Variants in EXPH5 observed in about 807,000 individuals in gnomAD.
The protein encoded by EXPH5 is exophilin-5.
A neutral mutation model predicts 41.1 loss-of-function variants in EXPH5; 42 were observed. The observed-to-expected ratio is 1.02, with a 90% confidence interval of 0.80 to 1.32. The LOEUF (loss-of-function observed/expected upper bound fraction) is 1.32. Ranked by LOEUF, EXPH5 falls within the 40% of genes most tolerant of loss-of-function variation. The pLI is 0.00. For missense variants in EXPH5, 2,298 were observed against 2,314.5 expected (o/e 0.99, Z 0.15); for synonymous variants, 798 against 833.5 (o/e 0.96, Z 0.73).
chr11:108,547,825 C>G (rs1392474393), intron 1 of EXPH5, among the ~76,000 whole-genome samples: 1 of 152,054 alleles, frequency 6.6e-6, no homozygotes, highest in Non-Finnish European at 1.5e-5. Context: ...AAATCAGTGT[C>G]TTGGCTGGGC....
At chr11:108,584,776 G>A (rs2094108677) in intron 1 of EXPH5, among the ~76,000 whole-genome samples, 1 of 152,166 alleles carries the variant, frequency 6.6e-6, no homozygotes, top group African/African-American at 2.4e-5. Flanking sequence ...ATGCATCAGT[G>A]TAAGACATAA....
chr11:108,606,691 C>A, the EXPH5 span, among the ~76,000 whole-genome samples: 1 of 152,238 alleles, frequency 6.6e-6, no homozygotes, highest in Middle Eastern at 3.4e-3. Context: ...TGATTCACCC[C>A]TGCCTGATGA....
At chr11:108,551,353 T>C (rs530896089) in intron 1 of EXPH5, among the ~76,000 whole-genome samples, 11 of 152,368 alleles carry the variant, frequency 7.2e-5, no homozygotes, top group African/African-American at 2.2e-4. Context: ...AGAGCAGTTA[T>C]GCAAGTTTGA....
At position 108,513,689 on chromosome 11, in the gene EXPH5, T is replaced by C; in HGVS notation, c.1818A>G (p.Val606=). The C allele has an allele frequency of 1.2e-6, 2 of 1,612,786 alleles. No individual in the cohort carries two copies. The highest frequency in any genetic ancestry group is 1.7e-6 in the Non-Finnish European group (2 of 1,179,372). Residue 606 remains valine (V), a synonymous_variant, in exon 6 of 6, where the codon GTA becomes GTG. Coordinates refer to ENST00000265843, the MANE Select transcript of EXPH5 (RefSeq NM_015065.3). The part of the protein sequence containing the change: ...ELVSQQDSSP[V]EVHINKEASS... ...AAGCTTCTTTGTTTATATGTACTTC[T>C]ACAGGAGAACTGTCCTGTTGACTTA...
chr11:108,545,685 T>C (rs1266494711), intron 1 of EXPH5, among the ~76,000 whole-genome samples: 1 of 152,032 alleles, frequency 6.6e-6, no homozygotes, highest in African/African-American at 2.4e-5. Flanking sequence ...GGAGGATCAA[T>C]TGAGGCCAGG....
intron 4 of EXPH5, among the ~76,000 whole-genome samples, chr11:108,527,375 G>A (rs375793640): frequency 6.6e-6 from 1 of 151,990 alleles, no homozygotes; most frequent in Non-Finnish European, 1.5e-5. Context: ...TTTACCTCAT[G>A]CTTTTTGCAA....
intron 1 of EXPH5, among the ~76,000 whole-genome samples, chr11:108,586,224 ACAG>A (rs2094112432): frequency 6.6e-6 from 1 of 152,090 alleles, no homozygotes; most frequent in Non-Finnish European, 1.5e-5. Context: ...TGTTGGGATT[ACAG>A]GTGTGAGCCA....
intron 1 of EXPH5, among the ~76,000 whole-genome samples, chr11:108,577,604 G>A (rs1047537652): frequency 9.2e-5 from 14 of 151,974 alleles, no homozygotes; most frequent in African/African-American, 3.4e-4. Flanking sequence ...TGTATTTTTA[G>A]TAGAGACAGG....
chr11:108,591,391 C>A (rs1565839155), intron 1 of EXPH5, among the ~76,000 whole-genome samples: 1 of 152,138 alleles, frequency 6.6e-6, no homozygotes, highest in Non-Finnish European at 1.5e-5. Flanking sequence ...GTAAGCAGAA[C>A]AATCCCATGG....
the EXPH5 span, among the ~76,000 whole-genome samples, chr11:108,602,297 T>G: frequency 6.6e-6 from 1 of 152,346 alleles, no homozygotes; most frequent in East Asian, 1.9e-4. Flanking sequence ...ACCTGCTGTG[T>G]GCCAGGCACT....
chr11:108,541,536 C>T (rs2093912880), intron 2 of EXPH5, 116 bp downstream of exon 2: 2 of 634,144 alleles, frequency 3.2e-6, no homozygotes, highest in Non-Finnish European at 5.1e-6. Context: ...TGGCTTATGA[C>T]TTTAAAATAG....
chr11:108,560,958 T>C (rs1252068838), intron 1 of EXPH5, among the ~76,000 whole-genome samples: 1 of 152,242 alleles, frequency 6.6e-6, no homozygotes, highest in Non-Finnish European at 1.5e-5. Flanking sequence ...TATTAAATAA[T>C]TTATCATGAA....
At chr11:108,540,056 G>T (rs1052613315) in intron 2 of EXPH5, among the ~76,000 whole-genome samples, 2 of 152,032 alleles carry the variant, frequency 1.3e-5, no homozygotes, top group East Asian at 3.8e-4. Context: ...GGTAGCTCAC[G>T]CCTGTAATCC....
intron 1 of EXPH5, among the ~76,000 whole-genome samples, chr11:108,555,974 G>C (rs2852192): frequency 0.56 from 85,313 of 152,026 alleles, 28,475 homozygotes; most frequent in East Asian, 0.76. Context: ...GCTTCACTCT[G>C]GCTCCCCTTC....
At chr11:108,582,709 G>A (rs1397474847) in intron 1 of EXPH5, among the ~76,000 whole-genome samples, 1 of 152,196 alleles carries the variant, frequency 6.6e-6, no homozygotes, top group Non-Finnish European at 1.5e-5. Flanking sequence ...TTGGAGGCTG[G>A]AGGTCAAGGT....
chr11:108,552,352 A>G (rs931855163), intron 1 of EXPH5: 1 of 152,228 alleles, frequency 6.6e-6, no homozygotes, highest in African/African-American at 2.4e-5. Context: ...AAGCAAGTAT[A>G]TTGAAAAATG....
intron 3 of EXPH5, among the ~76,000 whole-genome samples, chr11:108,532,749 G>A (rs1405254051): frequency 3.3e-5 from 5 of 152,088 alleles, no homozygotes; most frequent in Admixed American, 2.6e-4. Context: ...ATAGGCCTCT[G>A]AGCCTATGCA....
chr11:108,600,591 G>A, the EXPH5 span, among the ~76,000 whole-genome samples: 1 of 152,144 alleles, frequency 6.6e-6, no homozygotes, highest in Non-Finnish European at 1.5e-5. Flanking sequence ...ACCTACTAGT[G>A]TCTGGGTGGA....
intron 1 of EXPH5, among the ~76,000 whole-genome samples, chr11:108,588,982 G>A (rs376376233): frequency 3.3e-5 from 5 of 152,170 alleles, no homozygotes; most frequent in African/African-American, 4.8e-5. Context: ...TCAGAGATCC[G>A]TGGTGTGTTA....
Sources: allele counts gnomAD v4.1 joint callset (sites outside exome capture counted in the v4.1 genomes callset), GRCh38; gene constraint gnomAD v4.1.1; transcripts MANE v1.5; gene names NCBI Gene and HGNC (gene_info 2026-07-23, HGNC 2026-07-21).